Variants in ST6GALNAC3 observed in about 807,000 individuals in gnomAD.
ST6GALNAC3 encodes ST6 N-acetylgalactosaminide alpha-2,6-sialyltransferase 3.
A neutral mutation model predicts 32.7 loss-of-function variants in ST6GALNAC3; 25 were observed. The observed-to-expected ratio is 0.76, with a 90% CI of 0.56 to 1.07. ST6GALNAC3 has a LOEUF of 1.07. Among genes scored for constraint, ST6GALNAC3 ranks in the 50% least tolerant of loss-of-function variants. The probability of loss-of-function intolerance (pLI) is 0.00; values close to 1 mark genes in which losing one functional copy is unlikely to be tolerated. For missense variants in ST6GALNAC3, 355 were observed against 382.4 expected, an observed-to-expected ratio of 0.93 and a Z score of 0.60; for synonymous variants, 129 against 133.1, an observed-to-expected ratio of 0.97 and a Z score of 0.21.
intron 1 of ST6GALNAC3, among the ~76,000 whole-genome samples, chr1:76,231,214 G>A (rs1656341403): frequency 6.6e-6 from 1 of 152,172 alleles, no homozygotes. Context: ...TCTTGAACAA[G>A]CCAGGTCCAG....
intron 1 of ST6GALNAC3, among the ~76,000 whole-genome samples, chr1:76,155,198 T>A (rs953967821): frequency 2.6e-5 from 4 of 152,036 alleles, no homozygotes; most frequent in African/African-American, 7.2e-5. Flanking sequence ...CAGTGACAGT[T>A]TATTTCCTGG....
intron 3 of ST6GALNAC3, among the ~76,000 whole-genome samples, chr1:76,610,819 C>G (rs945618154): frequency 3.3e-5 from 5 of 152,058 alleles, no homozygotes; most frequent in African/African-American, 4.8e-5. Context: ...CATGAAAACA[C>G]ATAAAAATGG....
At chr1:76,444,512 A>G (rs1656834457) in intron 3 of ST6GALNAC3, among the ~76,000 whole-genome samples, 1 of 152,224 alleles carries the variant, frequency 6.6e-6, no homozygotes, top group Admixed American at 6.5e-5. Flanking sequence ...TAAAACGTGA[A>G]AAAGAATAAA....
At chr1:76,141,682 A>G (rs1650333395) in intron 1 of ST6GALNAC3, among the ~76,000 whole-genome samples, 1 of 152,210 alleles carries the variant, frequency 6.6e-6, no homozygotes, top group Admixed American at 6.5e-5. Context: ...TTTATAACAA[A>G]GTTTTTGGGG....
intron 1 of ST6GALNAC3, among the ~76,000 whole-genome samples, chr1:76,104,411 C>T (rs1007077872): frequency 6.6e-6 from 1 of 152,152 alleles, no homozygotes; most frequent in African/African-American, 2.4e-5. Context: ...CTCTATTCTC[C>T]CTTCCTGCTA....
rs137972786 is a variant in ST6GALNAC3 at position 76,509,698 on chromosome 1, G to A, written c.623+97281G>A. Among the ~76,000 whole-genome samples, 17 of 152,276 alleles carry A rather than the reference G, an allele frequency of 1.1e-4. No homozygotes were observed. The highest frequency in any genetic ancestry group is 3.6e-4 in the African/African-American group (15 of 41,578). ...CATTCCTTCTGGAAGATCCAAGGGA[G>A]AATCTATTTCTTTTTCCAGCAAAAA... On this transcript the variant is annotated intron_variant, in intron 3 of 4. Coordinates refer to ENST00000328299, the MANE Select transcript of ST6GALNAC3 (RefSeq NM_152996.4). The surrounding 1 kb of genome is among the most constrained non-coding windows in gnomAD (Gnocchi z 5.5).
intron 1 of ST6GALNAC3, among the ~76,000 whole-genome samples, chr1:76,206,326 G>A (rs943666417): frequency 5.9e-5 from 9 of 152,252 alleles, no homozygotes; most frequent in African/African-American, 9.6e-5. Flanking sequence ...GTGGGGGTGC[G>A]GAAAGAGTGT....
intron 2 of ST6GALNAC3, among the ~76,000 whole-genome samples, chr1:76,334,719 G>A (rs149690306): frequency 6.6e-6 from 1 of 152,252 alleles, no homozygotes; most frequent in Non-Finnish European, 1.5e-5. Flanking sequence ...AAACACAGCT[G>A]AAACCCTAGA....
intron 2 of ST6GALNAC3, among the ~76,000 whole-genome samples, chr1:76,375,881 G>A (rs949404856): frequency 1.3e-5 from 2 of 152,124 alleles, no homozygotes; most frequent in Non-Finnish European, 2.9e-5. Flanking sequence ...CAAGGTAGGG[G>A]AAAGTGTGCA....
In ST6GALNAC3 at chr1:76,188,018, A is replaced by G. The variant is rs545082203; in HGVS notation, c.18+113134A>G. ...CTCAGAACCTGACTATTTTTTTTCA[A>G]AGAAAGGAGCAGTCATGAACAGCCT... On this transcript the variant is annotated intron_variant, in intron 1 of 4. Coordinates refer to ENST00000328299, the MANE Select transcript of ST6GALNAC3 (RefSeq NM_152996.4). Among the ~76,000 whole-genome samples the G allele has an allele frequency of 2.6e-5, 4 of 152,228 alleles. No homozygotes were observed. In the South Asian group the frequency reaches 8.3e-4, roughly 32 times the overall value.
At position 76,625,694 on chromosome 1, in the gene ST6GALNAC3, C is replaced by T. The variant is rs553963972; in HGVS notation, c.624-1758C>T. Among the ~76,000 whole-genome samples the T allele has an allele frequency of 1.4e-3, 216 of 151,844 alleles. 1 individual carries two copies. The highest frequency in any genetic ancestry group is 6.9e-4 in the Non-Finnish European group (47 of 67,890). On this transcript the variant is annotated intron_variant, in intron 3 of 4. Coordinates refer to ENST00000328299, the MANE Select transcript of ST6GALNAC3 (RefSeq NM_152996.4). ...CTCAAACCCCAGAATGCAGGATTGACTGCAGGTTAAGTTGTCTAAAAGGCA... is the reference window on the plus strand; with the variant it reads ...CTCAAACCCCAGAATGCAGGATTGATTGCAGGTTAAGTTGTCTAAAAGGCA...
intron 1 of ST6GALNAC3, among the ~76,000 whole-genome samples, chr1:76,204,999 A>G (rs192191954): frequency 4.6e-5 from 7 of 152,294 alleles, no homozygotes; most frequent in African/African-American, 1.7e-4. Flanking sequence ...CAGCAATTCT[A>G]TAACTTCCCT....
intron 2 of ST6GALNAC3, among the ~76,000 whole-genome samples, chr1:76,337,487 C>T (rs976935685): frequency 6.6e-6 from 1 of 152,118 alleles, no homozygotes; most frequent in Non-Finnish European, 1.5e-5. Context: ...CAGTGTCCTC[C>T]ATTCGGGGGT....
chr1:76,405,360 A>G (rs1229476421), intron 2 of ST6GALNAC3, among the ~76,000 whole-genome samples: 2 of 152,106 alleles, frequency 1.3e-5, no homozygotes, highest in African/African-American at 4.8e-5. Flanking sequence ...TCTATTGTCT[A>G]TAAGCTTATT....
intron 1 of ST6GALNAC3, among the ~76,000 whole-genome samples, chr1:76,170,772 A>G (rs4949696): frequency 0.52 from 79,137 of 152,020 alleles, 23,614 homozygotes; most frequent in East Asian, 0.89. Flanking sequence ...ATTTCCTTTT[A>G]TTGATCCGAG....
intron 3 of ST6GALNAC3, among the ~76,000 whole-genome samples, chr1:76,524,317 A>C (rs1662734020): frequency 6.6e-6 from 1 of 152,132 alleles, no homozygotes; most frequent in Non-Finnish European, 1.5e-5. Flanking sequence ...CCCTTCAATA[A>C]GCCATCTTGA....
chr1:76,075,266 G>GTTGC lies in ST6GALNAC3; in HGVS notation c.18+384_18+387dup, dbSNP rs541682518. Among the ~76,000 whole-genome samples the GTTGC allele has an allele frequency of 8.9e-4, 135 of 152,318 alleles. 4 individuals are homozygous for GTTGC. The highest frequency in any genetic ancestry group is 3.2e-3 in the African/African-American group (131 of 41,586). On this transcript the variant is annotated intron_variant, in intron 1 of 4. Coordinates refer to ENST00000328299, the MANE Select transcript of ST6GALNAC3 (RefSeq NM_152996.4). ...GGAGGGGTGGAGTGGCTAGGCGTGA[G>GTTGC]TTGCTGGTGGTGAGGGGCATAGCGC...
At chr1:76,500,024 C>A (rs919482760) in intron 3 of ST6GALNAC3, among the ~76,000 whole-genome samples, 1 of 151,690 alleles carries the variant, frequency 6.6e-6, no homozygotes, top group Admixed American at 6.6e-5. Flanking sequence ...TCATCTTCTT[C>A]AATGTGGAGA....
chr1:76,563,616 A>G (rs999713504), intron 3 of ST6GALNAC3, among the ~76,000 whole-genome samples: 1 of 152,188 alleles, frequency 6.6e-6, no homozygotes, highest in Non-Finnish European at 1.5e-5. Context: ...TAATAAAGTT[A>G]TTTTACATTA....
Sources: allele counts gnomAD v4.1 joint callset (sites outside exome capture counted in the v4.1 genomes callset), GRCh38; gene constraint gnomAD v4.1.1; non-coding constraint Gnocchi (gnomAD v3.1); transcripts MANE v1.5; gene names NCBI Gene and HGNC (gene_info 2026-07-23, HGNC 2026-07-21).